Variants in DPYD observed in about 807,000 individuals in gnomAD.
The protein encoded by DPYD is dihydropyrimidine dehydrogenase.
In DPYD, 109 loss-of-function variants were observed where a neutral mutation model predicts 116.2. The ratio of observed to expected loss-of-function variants is 0.94; its 90% CI spans 0.80 to 1.10. The LOEUF is 1.10. Among genes scored for constraint, DPYD ranks in the 50% least tolerant of loss-of-function variants. The pLI is 0.00. For synonymous variants in DPYD, 440 were observed against 432.0 expected, an observed-to-expected ratio of 1.02 and a Z score of -0.23; for missense variants, 1,302 against 1,254.5, an observed-to-expected ratio of 1.04 and a Z score of -0.57.
intron 11 of DPYD, among the ~76,000 whole-genome samples, chr1:97,551,027 G>A (rs184875270): frequency 8.5e-5 from 13 of 152,202 alleles, no homozygotes; most frequent in Admixed American, 7.9e-4. Flanking sequence ...ACAGCAATTT[G>A]TCCACACTGC....
intron 8 of DPYD, among the ~76,000 whole-genome samples, chr1:97,673,460 T>C (rs1192195327): frequency 2.0e-5 from 3 of 152,138 alleles, no homozygotes; most frequent in African/African-American, 7.2e-5. Context: ...ATTTACTTTA[T>C]TTTGGAAAAC....
chr1:97,608,559 G>GA (rs1655745605), intron 8 of DPYD, among the ~76,000 whole-genome samples: 1 of 151,848 alleles, frequency 6.6e-6, no homozygotes, highest in Admixed American at 6.6e-5. Context: ...CTAGCTTTGT[G>GA]ATGTATGGCA....
chr1:97,573,444 T>C (rs538914592), intron 11 of DPYD, among the ~76,000 whole-genome samples: 1 of 152,216 alleles, frequency 6.6e-6, no homozygotes, highest in African/African-American at 2.4e-5. Flanking sequence ...CTCATTTTCT[T>C]ACTCTAGTCT....
chr1:97,256,821 C>A (rs1663508458), intron 18 of DPYD, among the ~76,000 whole-genome samples: 1 of 152,046 alleles, frequency 6.6e-6, no homozygotes, highest in Admixed American at 6.6e-5. Context: ...CTTAAAGTCC[C>A]TCAGTCTTTA....
intron 10 of DPYD, 83 bp from the exon 11 acceptor site, chr1:97,574,053 C>T (rs1653099308): frequency 1.9e-6 from 3 of 1,561,514 alleles, no homozygotes; most frequent in Admixed American, 3.8e-5. Flanking sequence ...ATTACACATG[C>T]TAAAGCTTAT....
intron 11 of DPYD, 25 bp downstream of exon 11, chr1:97,573,735 C>A (rs772797143): frequency 1.2e-6 from 2 of 1,612,980 alleles, no homozygotes; most frequent in Non-Finnish European, 1.7e-6. Context: ...AATTGCATCA[C>A]ACATTTCAGC....
intron 19 of DPYD, 69 bp downstream of exon 19, chr1:97,234,783 T>TGTC: frequency 6.3e-7 from 1 of 1,592,016 alleles, no homozygotes; most frequent in Non-Finnish European, 8.6e-7. Context: ...ATTTTTTTTT[T>TGTC]GTCACATAAC....
intron 20 of DPYD, among the ~76,000 whole-genome samples, chr1:97,175,270 G>A (rs535938601): frequency 4.7e-5 from 7 of 149,572 alleles, no homozygotes; most frequent in Admixed American, 3.9e-4. Flanking sequence ...GTGTTCTACT[G>A]TACTTTCTAA....
intron 19 of DPYD, among the ~76,000 whole-genome samples, chr1:97,215,632 C>T (rs753872121): frequency 2.0e-5 from 3 of 152,110 alleles, no homozygotes; most frequent in African/African-American, 7.2e-5. Context: ...GAAAGGTCTA[C>T]GTTATTTTAT....
chr1:97,084,700 T>A (rs961259983), intron 21 of DPYD, among the ~76,000 whole-genome samples: 7 of 152,194 alleles, frequency 4.6e-5, no homozygotes, highest in African/African-American at 1.7e-4. Flanking sequence ...TGAGAACCAG[T>A]GTTGCCTGAC....
chr1:97,189,827 G>A (rs1005476421), intron 20 of DPYD, among the ~76,000 whole-genome samples: 3 of 152,098 alleles, frequency 2.0e-5, no homozygotes, highest in African/African-American at 7.2e-5. Flanking sequence ...AGCAAGGTGT[G>A]GGGTAGCAAC....
intron 16 of DPYD, among the ~76,000 whole-genome samples, chr1:97,354,198 G>A (rs1008583780): frequency 1.3e-5 from 2 of 152,146 alleles, no homozygotes; most frequent in Non-Finnish European, 1.5e-5. Context: ...ATCCAGAACC[G>A]TTCGCCATTT....
At chr1:97,159,695 G>C (rs1655746260) in intron 20 of DPYD, among the ~76,000 whole-genome samples, 1 of 151,978 alleles carries the variant, frequency 6.6e-6, no homozygotes, top group African/African-American at 2.4e-5. Context: ...GACTGAATTT[G>C]TGGTATGTTT....
chr1:97,636,646 A>T (rs1019654022), intron 8 of DPYD, among the ~76,000 whole-genome samples: 8 of 152,310 alleles, frequency 5.3e-5, no homozygotes, highest in Admixed American at 2.0e-4. Flanking sequence ...ATTATTTAAA[A>T]TCATCATTAA....
chr1:97,369,003 A>C (rs1671180823), intron 16 of DPYD, among the ~76,000 whole-genome samples: 1 of 152,174 alleles, frequency 6.6e-6, no homozygotes, highest in South Asian at 2.1e-4. Context: ...CTCGAGGTCT[A>C]TTCAGTACTA....
chr1:97,079,392 G>C (rs1649001500), intron 22 of DPYD, among the ~76,000 whole-genome samples: 1 of 152,078 alleles, frequency 6.6e-6, no homozygotes, highest in Non-Finnish European at 1.5e-5. Context: ...TTCATTGTGT[G>C]AGGAAAATAT....
intron 11 of DPYD, among the ~76,000 whole-genome samples, chr1:97,552,980 C>T (rs1339547995): frequency 6.6e-6 from 1 of 151,840 alleles, no homozygotes; most frequent in African/African-American, 2.4e-5. Flanking sequence ...TTTGGCTCAT[C>T]AAATATCTAC....
intron 5 of DPYD, chr1:97,720,925 G>A (rs780181611): frequency 1.2e-6 from 2 of 1,608,916 alleles, no homozygotes; most frequent in Admixed American, 1.7e-5. Context: ...CAGGATCAAA[G>A]TCTATGGGAT....
chr1:97,707,545 T>C (rs1006848352), intron 5 of DPYD, among the ~76,000 whole-genome samples: 1 of 150,570 alleles, frequency 6.6e-6, no homozygotes, highest in Non-Finnish European at 1.5e-5. Flanking sequence ...TATGCGGTGT[T>C]TGGTTTTTTG....
Sources: gnomAD v4.1 joint callset for allele counts (sites outside exome capture counted in the v4.1 genomes callset) on GRCh38, gnomAD v4.1.1 for gene constraint, MANE v1.5 for transcripts, NCBI Gene and HGNC (gene_info 2026-07-23, HGNC 2026-07-21) for gene names.